Variants in MAGEC3 observed in about 807,000 individuals in gnomAD.
The protein encoded by MAGEC3 is melanoma-associated antigen C3.
A neutral mutation model predicts 35.3 loss-of-function variants in MAGEC3; 34 were observed. The observed-to-expected ratio is 0.96, with a 90% CI of 0.73 to 1.28. The LOEUF is 1.28. Ranked by LOEUF, MAGEC3 falls within the 50% of genes most tolerant of loss-of-function variation. The pLI is 0.00. For missense variants in MAGEC3, 561 were observed against 483.6 expected, an observed-to-expected ratio of 1.16 and a Z score of -1.50; for synonymous variants, 202 against 185.6, an observed-to-expected ratio of 1.09 and a Z score of -0.72.
chrX:141,885,790 G>C (rs191654801), intron 4 of MAGEC3, among the ~76,000 whole-genome samples: 4 of 110,081 alleles, frequency 3.6e-5, no homozygotes. Flanking sequence ...GTTTAATGTA[G>C]AGGAAGGGAT....
chrX:141,882,705 G>A (rs1378136785), intron 4 of MAGEC3, among the ~76,000 whole-genome samples: 6 of 112,151 alleles, frequency 5.3e-5, no homozygotes, highest in Non-Finnish European at 9.4e-5. Context: ...CATTCTGTGA[G>A]CATTTGCTTG....
At chrX:141,878,298 A>G (rs1463333762) in intron 2 of MAGEC3, among the ~76,000 whole-genome samples, 1 of 112,276 alleles carries the variant, frequency 8.9e-6, no homozygotes, top group Non-Finnish European at 1.9e-5. Context: ...GTCACTGATG[A>G]TGTTAACTTG....
intron 1 of MAGEC3, among the ~76,000 whole-genome samples, chrX:141,858,864 T>G (rs1189025974): frequency 9.0e-6 from 1 of 111,115 alleles, no homozygotes; most frequent in Non-Finnish European, 1.9e-5. Context: ...GTGGCTGGGT[T>G]TTTTGGGGGG....
intron 2 of MAGEC3, among the ~76,000 whole-genome samples, chrX:141,873,362 T>G (rs997618727): frequency 9.0e-6 from 1 of 111,031 alleles, no homozygotes; most frequent in African/African-American, 3.3e-5. Context: ...ACTGTTTTAC[T>G]GGGGCCCATT....
chrX:141,858,343 C>T (rs1014395065), intron 1 of MAGEC3, among the ~76,000 whole-genome samples: 1 of 110,223 alleles, frequency 9.1e-6, no homozygotes, highest in East Asian at 2.9e-4. Flanking sequence ...TTCCAGGTAT[C>T]GGTTGTTTGC....
At position 141,865,617 on chromosome X, in the gene MAGEC3, A is replaced by G; in HGVS notation, c.258+12A>G. Reference sequence around the variant, plus strand: ...CCACATACTTCAAGGTAAGGACTCTAAGGAAAGACTGAGGGGACCTCCTGC... The same window carrying G: ...CCACATACTTCAAGGTAAGGACTCTGAGGAAAGACTGAGGGGACCTCCTGC... On this transcript the variant is annotated intron_variant, in intron 2 of 7. Transcript: ENST00000298296. The G allele has an allele frequency of 8.4e-7, 1 of 1,195,926 alleles. No homozygotes were observed. Among genetic ancestry groups the G allele is most frequent in the Non-Finnish European group, 1.1e-6 (1 of 886,966 alleles).
At chrX:141,881,192 C>T (rs1345521776) in intron 3 of MAGEC3, among the ~76,000 whole-genome samples, 1 of 110,708 alleles carries the variant, frequency 9.0e-6, no homozygotes, top group Non-Finnish European at 1.9e-5. Flanking sequence ...TCCTCCTCCT[C>T]CTCCTCATCC....
intron 4 of MAGEC3, among the ~76,000 whole-genome samples, chrX:141,888,599 A>G (rs1164814279): frequency 8.9e-6 from 1 of 112,315 alleles, no homozygotes; most frequent in Non-Finnish European, 1.9e-5. Context: ...GTTAATAATC[A>G]AGTGGATAGT....
At chrX:141,860,544 A>T (rs2017808971) in intron 1 of MAGEC3, among the ~76,000 whole-genome samples, 1 of 111,913 alleles carries the variant, frequency 8.9e-6, no homozygotes. Context: ...TGTGGAAACA[A>T]CCCAAATGTC....
chrX:141,863,433 T>A (rs1419545337), intron 1 of MAGEC3, among the ~76,000 whole-genome samples: 2 of 111,479 alleles, frequency 1.8e-5, no homozygotes, highest in African/African-American at 6.5e-5. Flanking sequence ...ATCTACAGAA[T>A]GTAAAACAAA....
chrX:141,890,532 T>C (rs1233446787), intron 4 of MAGEC3, among the ~76,000 whole-genome samples: 1 of 111,666 alleles, frequency 9.0e-6, no homozygotes, highest in Non-Finnish European at 1.9e-5. Context: ...AAAAGGACAG[T>C]GCAGAAAAGT....
intron 1 of MAGEC3, among the ~76,000 whole-genome samples, chrX:141,860,500 A>G (rs1378362107): frequency 8.9e-6 from 1 of 111,813 alleles, no homozygotes; most frequent in Non-Finnish European, 1.9e-5. Context: ...GTGTACACCC[A>G]CATATATAGC....
Position 141,881,792 on chromosome X carries a change from T to C in MAGEC3, c.905T>C (p.Ile302Thr). ...GTCATCTGGGAAGTGCTGAATGCAA[T>C]AGGGGTGTGTGCTCAGAGGGAGCAT... ...EEVIWEVLNAIGPWSALAGFA... is the reference protein window; with the variant it reads ...EEVIWEVLNATGPWSALAGFA... The change falls in exon 4 of 8, where the codon ATA becomes ACA. Residue 302 changes from isoleucine to threonine, a missense_variant. Ile to Thr is a moderately conservative substitution (Grantham distance 89). Coordinates refer to ENST00000298296, the MANE Select transcript of MAGEC3 (RefSeq NM_138702.1). 10 of 1,211,010 alleles carry C rather than the reference T, an allele frequency of 8.3e-6. No individual in the cohort carries two copies. Among genetic ancestry groups the C allele is most frequent in the Non-Finnish European group, 1.0e-5 (9 of 895,290 alleles).
At chrX:141,894,721 C>T (rs1186337064) in intron 4 of MAGEC3, 2 of 970,648 alleles carry the variant, frequency 2.1e-6, no homozygotes, top group Non-Finnish European at 1.3e-6. Flanking sequence ...GGAAGGATAG[C>T]TATCTCCCAA....
At chrX:141,839,936 A>G (rs2017676315) in intron 1 of MAGEC3, 1 of 640,358 alleles carries the variant, frequency 1.6e-6, no homozygotes, top group Non-Finnish European at 1.9e-6. Context: ...AAAGAATTAT[A>G]CTGCCTAAAA....
intron 1 of MAGEC3, 107 bp from the exon 2 acceptor site, chrX:141,865,364 G>T (rs2017841361): frequency 2.8e-6 from 2 of 727,257 alleles, no homozygotes; most frequent in Non-Finnish European, 3.7e-6. Flanking sequence ...TTCTCTAATT[G>T]CTTTCACTCA....
chrX:141,880,987 T>C, intron 3 of MAGEC3: 1 of 528,377 alleles, frequency 1.9e-6, no homozygotes, highest in East Asian at 4.1e-5. Context: ...TATGCCTGTG[T>C]TTTGAAATGT....
intron 1 of MAGEC3, among the ~76,000 whole-genome samples, chrX:141,860,740 G>T (rs984028885): frequency 8.9e-6 from 1 of 112,235 alleles, no homozygotes; most frequent in Non-Finnish European, 1.9e-5. Context: ...GAGGTATCTA[G>T]CATAGACAAA....
chrX:141,881,582 T>G lies in MAGEC3; in HGVS notation c.695T>G (p.Phe232Cys), dbSNP rs1352810927. The stretch of plus-strand genomic sequence containing the variant: ...ATGATCTTCAGGAAAGCCCGTGAGT[T>G]CATAGAGATTCTTTTTGGCATTTCC... ...FPMIFRKARE[F>C]IEILFGISLT... Residue 232 changes from phenylalanine to cysteine, a missense_variant, in exon 4 of 8, where the codon TTC becomes TGC. Transcript: ENST00000298296. The G allele has an allele frequency of 8.3e-7, 1 of 1,209,409 alleles. No individual in the cohort carries two copies. Among genetic ancestry groups the G allele is most frequent in the African/African-American group, 1.8e-5 (1 of 57,056 alleles).
Sources: gnomAD v4.1 joint callset for allele counts (sites outside exome capture counted in the v4.1 genomes callset) on GRCh38, gnomAD v4.1.1 for gene constraint, MANE v1.5 for transcripts, NCBI Gene and HGNC (gene_info 2026-07-23, HGNC 2026-07-21) for gene names.